SHB: variants seen among roughly 807,000 people sequenced by gnomAD.
The protein encoded by SHB is SH2 domain-containing adapter protein B.
In SHB, 20 loss-of-function variants were observed where a neutral mutation model predicts 52.3. That is an observed-to-expected ratio of 0.38 (90% CI 0.27 to 0.56). The LOEUF is 0.56. Ranked by LOEUF, SHB falls within the 20% of genes least tolerant of loss-of-function variation. The probability of loss-of-function intolerance (pLI) is 0.71; values close to 1 mark genes in which losing one functional copy is unlikely to be tolerated. For missense variants in SHB, 825 were observed against 723.3 expected, an observed-to-expected ratio of 1.14 and a Z score of -1.61; for synonymous variants, 397 against 316.5, an observed-to-expected ratio of 1.25 and a Z score of -2.70.
chr9:38,015,880 T>C, intron 2 of SHB, 131 bp downstream of exon 2: 1 of 848,358 alleles, frequency 1.2e-6, no homozygotes, highest in Non-Finnish European at 1.9e-6. Flanking sequence ...ACAGCATTGC[T>C]CCCACCTACC....
At chr9:37,977,086 G>T (rs1007927002) in intron 2 of SHB, among the ~76,000 whole-genome samples, 3 of 152,194 alleles carry the variant, frequency 2.0e-5, no homozygotes, top group Non-Finnish European at 4.4e-5. Context: ...CCAGTTGGGT[G>T]GTAGTAACCT....
chr9:38,001,508 G>C (rs958783020), intron 2 of SHB, among the ~76,000 whole-genome samples: 4 of 152,254 alleles, frequency 2.6e-5, no homozygotes, highest in African/African-American at 7.2e-5. Context: ...GGAGAGCCTG[G>C]CCAGTTCTGT....
intron 2 of SHB, among the ~76,000 whole-genome samples, chr9:38,007,558 G>A (rs1564100332): frequency 6.6e-6 from 1 of 152,162 alleles, no homozygotes; most frequent in Non-Finnish European, 1.5e-5. Context: ...GCATTCTTTG[G>A]AGGAGGATAG....
chr9:38,062,241 C>G (rs903690292), intron 1 of SHB, among the ~76,000 whole-genome samples: 1 of 152,224 alleles, frequency 6.6e-6, no homozygotes, highest in Non-Finnish European at 1.5e-5. Context: ...GATCCTTGCT[C>G]TATCACTTTG....
intron 2 of SHB, among the ~76,000 whole-genome samples, chr9:38,009,032 G>A (rs748136518): frequency 5.9e-4 from 90 of 152,226 alleles, no homozygotes; most frequent in Non-Finnish European, 1.5e-4. Flanking sequence ...AGGGGTCAGG[G>A]CTGACGGCAA....
At chr9:37,942,538 G>A (rs1381896724) in intron 5 of SHB, among the ~76,000 whole-genome samples, 1 of 152,220 alleles carries the variant, frequency 6.6e-6, no homozygotes, top group Non-Finnish European at 1.5e-5. Context: ...TGCTGCTTCC[G>A]TGGTGATTTC....
At chr9:37,934,590 TGTGTACAGTTGGGTCCAA>T (rs1832347753) in intron 5 of SHB, among the ~76,000 whole-genome samples, 2 of 152,188 alleles carry the variant, frequency 1.3e-5, no homozygotes, top group South Asian at 4.1e-4. Flanking sequence ...CGTGAGCCAC[TGTGTACAGTTGGGTCCAA>T]GAATTTTAAG....
At chr9:37,981,696 G>A (rs921038577) in intron 2 of SHB, among the ~76,000 whole-genome samples, 1 of 152,176 alleles carries the variant, frequency 6.6e-6, no homozygotes, top group African/African-American at 2.4e-5. Flanking sequence ...GGTTTAAAGT[G>A]AGAGATGTGT....
At chr9:38,052,684 G>C (rs1489946057) in intron 1 of SHB, among the ~76,000 whole-genome samples, 3 of 152,078 alleles carry the variant, frequency 2.0e-5, no homozygotes, top group African/African-American at 7.2e-5. Flanking sequence ...TCAGGCTACA[G>C]ACATACAGGT....
intron 1 of SHB, among the ~76,000 whole-genome samples, chr9:38,045,027 C>A (rs1272673885): frequency 6.6e-6 from 1 of 152,226 alleles, no homozygotes; most frequent in Non-Finnish European, 1.5e-5. Context: ...AGTGAAGACA[C>A]AGAGGCATAC....
At chr9:37,988,130 A>G (rs535314218) in intron 2 of SHB, among the ~76,000 whole-genome samples, 11 of 152,352 alleles carry the variant, frequency 7.2e-5, no homozygotes, top group African/African-American at 2.6e-4. Context: ...AGATCTTGGC[A>G]CATGCTCTGC....
At chr9:37,935,348 T>C (rs1448364781) in intron 5 of SHB, among the ~76,000 whole-genome samples, 2 of 152,164 alleles carry the variant, frequency 1.3e-5, no homozygotes, top group Admixed American at 1.3e-4. Context: ...CATTTCTCCC[T>C]GCGAGGTTGT....
chr9:37,983,348 G>C (rs138109688), intron 2 of SHB, among the ~76,000 whole-genome samples: 10 of 152,324 alleles, frequency 6.6e-5, no homozygotes, highest in African/African-American at 2.4e-4. Context: ...GAGGTTGCTC[G>C]AGAGGGCTGG....
At chr9:37,970,772 C>T (rs948772334) in intron 3 of SHB, among the ~76,000 whole-genome samples, 14 of 151,932 alleles carry the variant, frequency 9.2e-5, no homozygotes, top group African/African-American at 3.4e-4. Context: ...AAGCTCATTA[C>T]ACACATTCAG....
chr9:38,012,865 G>C (rs890778703), intron 2 of SHB, among the ~76,000 whole-genome samples: 1 of 150,390 alleles, frequency 6.6e-6, no homozygotes, highest in African/African-American at 2.5e-5. Context: ...CATTCTAAAA[G>C]GTTAAACTTT....
At chr9:38,032,994 C>G (rs947079516) in intron 1 of SHB, among the ~76,000 whole-genome samples, 35 of 152,298 alleles carry the variant, frequency 2.3e-4, no homozygotes, top group African/African-American at 8.2e-4. Flanking sequence ...TTGTTATTTT[C>G]AAACATGACT....
chr9:38,046,429 G>A (rs945448322), intron 1 of SHB, among the ~76,000 whole-genome samples: 8 of 152,208 alleles, frequency 5.3e-5, no homozygotes, highest in Non-Finnish European at 1.0e-4. Flanking sequence ...AGGCAAACAA[G>A]AACAAGCAGT....
intron 3 of SHB, among the ~76,000 whole-genome samples, chr9:37,970,833 C>T (rs1820582961): frequency 1.3e-5 from 2 of 151,980 alleles, no homozygotes; most frequent in African/African-American, 4.8e-5. Flanking sequence ...CCTGTGACTC[C>T]CCCTTTGGCA....
chr9:37,935,708 C>G (rs369237298), intron 5 of SHB, among the ~76,000 whole-genome samples: 2 of 152,064 alleles, frequency 1.3e-5, no homozygotes, highest in African/African-American at 4.8e-5. Flanking sequence ...GCTAGTAAGA[C>G]GCAGAATCGA....
Sources: allele counts gnomAD v4.1 joint callset (sites outside exome capture counted in the v4.1 genomes callset), GRCh38; gene constraint gnomAD v4.1.1; transcripts MANE v1.5; gene names NCBI Gene and HGNC (gene_info 2026-07-23, HGNC 2026-07-21).